Variants in AMOTL1 observed in about 807,000 individuals in gnomAD.
The protein encoded by AMOTL1 is angiomotin-like protein 1.
In AMOTL1, 45 loss-of-function variants were observed where a neutral mutation model predicts 102.9. The observed-to-expected ratio is 0.44, with a 90% CI of 0.34 to 0.56. The LOEUF (loss-of-function observed/expected upper bound fraction) is 0.56, where lower values mean the gene tolerates loss of function less well. Ranked by LOEUF, AMOTL1 falls within the 20% of genes least tolerant of loss-of-function variation. The pLI is 0.01. For synonymous variants in AMOTL1, 481 were observed against 484.7 expected (o/e 0.99, Z 0.10); for missense variants, 1,114 against 1,225.6 (o/e 0.91, Z 1.36).
chr11:94,863,321 G>C (rs190312536), intron 9 of AMOTL1, among the ~76,000 whole-genome samples: 1 of 151,720 alleles, frequency 6.6e-6, no homozygotes, highest in South Asian at 2.1e-4. Context: ...GGCGGGGCGC[G>C]GTGGCTCACG....
At chr11:94,805,125 A>C (rs1384989456) in intron 3 of AMOTL1, among the ~76,000 whole-genome samples, 1 of 152,246 alleles carries the variant, frequency 6.6e-6, no homozygotes, top group Non-Finnish European at 1.5e-5. Context: ...TGTACTTTGC[A>C]GTGGAGCCGC....
intron 1 of AMOTL1, among the ~76,000 whole-genome samples, chr11:94,719,212 A>G (rs777181450): frequency 6.6e-6 from 1 of 152,024 alleles, no homozygotes; most frequent in Non-Finnish European, 1.5e-5. Flanking sequence ...ATTCTGTGCT[A>G]CCAAATAATT....
intron 7 of AMOTL1, among the ~76,000 whole-genome samples, chr11:94,853,523 C>G (rs1332776046): frequency 6.6e-6 from 1 of 152,140 alleles, no homozygotes; most frequent in Non-Finnish European, 1.5e-5. Flanking sequence ...TGTATATGTA[C>G]CACATTGTCT....
chr11:94,792,578 G>C (rs1951303669), intron 1 of AMOTL1, among the ~76,000 whole-genome samples: 1 of 152,214 alleles, frequency 6.6e-6, no homozygotes, highest in East Asian at 1.9e-4. Flanking sequence ...ATGTCCATCT[G>C]CTGGGTCTGT....
At chr11:94,739,790 C>A (rs1377572005) in intron 2 of AMOTL1, among the ~76,000 whole-genome samples, 4 of 152,212 alleles carry the variant, frequency 2.6e-5, no homozygotes, top group Admixed American at 2.0e-4. Flanking sequence ...CCCCTTAATG[C>A]AGAGCAGTCA....
At chr11:94,852,685 T>G (rs1386772609) in intron 7 of AMOTL1, among the ~76,000 whole-genome samples, 2 of 152,238 alleles carry the variant, frequency 1.3e-5, no homozygotes, top group Admixed American at 6.5e-5. Context: ...TTAACCTTAA[T>G]TTCCATCTCC....
intron 1 of AMOTL1, among the ~76,000 whole-genome samples, chr11:94,727,450 C>T (rs1398077991): frequency 6.6e-6 from 1 of 152,148 alleles, no homozygotes; most frequent in Non-Finnish European, 1.5e-5. Context: ...CTACTTCTAG[C>T]CTCAATCAGC....
chr11:94,709,363 G>GAA (rs57875615), intron 1 of AMOTL1, among the ~76,000 whole-genome samples: 76 of 150,314 alleles, frequency 5.1e-4, no homozygotes, highest in Admixed American at 1.7e-3. Context: ...GCTCTCTGGA[G>GAA]AAAAAAAAAA....
chr11:94,780,162 T>C (rs1247567669), intron 1 of AMOTL1, among the ~76,000 whole-genome samples: 1 of 152,216 alleles, frequency 6.6e-6, no homozygotes, highest in Non-Finnish European at 1.5e-5. Flanking sequence ...TAATGCTCAG[T>C]ACAGAGGACA....
intron 1 of AMOTL1, among the ~76,000 whole-genome samples, chr11:94,781,720 A>G (rs1487956683): frequency 6.6e-6 from 1 of 152,134 alleles, no homozygotes; most frequent in East Asian, 1.9e-4. Flanking sequence ...CTGTAATCCT[A>G]GCTACTCAGG....
In AMOTL1 at chr11:94,739,623, C is replaced by A. The variant is rs902604422; in HGVS notation, c.86-1315C>A. On this transcript the variant is annotated intron_variant, in intron 2 of 4. Transcript: ENST00000299004. The stretch of plus-strand genomic sequence containing the variant: ...ATCACTTTGAGACAATAGAAGGCCC[C>A]CAGGAGGCTGCCCAGACTGTTGACC... Among the ~76,000 whole-genome samples the A allele has an allele frequency of 2.0e-5, 3 of 152,140 alleles. No individual in the cohort carries two copies. The East Asian group carries it at 5.8e-4, about 29-fold the overall frequency.
intron 9 of AMOTL1, among the ~76,000 whole-genome samples, chr11:94,861,831 G>A (rs1296069528): frequency 6.6e-6 from 1 of 152,032 alleles, no homozygotes; most frequent in African/African-American, 2.4e-5. Flanking sequence ...GTATGAATGG[G>A]ACTAGAAAGT....
intron 3 of AMOTL1, among the ~76,000 whole-genome samples, chr11:94,761,409 C>T (rs1479768154): frequency 6.6e-6 from 1 of 151,196 alleles, no homozygotes; most frequent in African/African-American, 2.4e-5. Context: ...GGCTGGTCTC[C>T]AACTCATGAC....
chr11:94,782,471 T>A (rs1386094281), intron 1 of AMOTL1, among the ~76,000 whole-genome samples: 1 of 152,212 alleles, frequency 6.6e-6, no homozygotes, highest in East Asian at 1.9e-4. Context: ...AAGATCTCTA[T>A]AATTCATTGA....
At chr11:94,850,042 T>A in intron 6 of AMOTL1, 72 bp from the exon 7 acceptor site, 1 of 1,460,750 alleles carries the variant, frequency 6.8e-7, no homozygotes, top group Non-Finnish European at 9.2e-7. Context: ...CCTTGCCAGA[T>A]GTCGACTGGC....
chr11:94,786,408 G>A (rs994497951), intron 1 of AMOTL1, among the ~76,000 whole-genome samples: 2 of 151,880 alleles, frequency 1.3e-5, no homozygotes, highest in African/African-American at 4.8e-5. Context: ...CCTCTGCCCC[G>A]GTGCCCAGAC....
chr11:94,837,373 G>C (rs185543173), intron 6 of AMOTL1, among the ~76,000 whole-genome samples: 6 of 152,308 alleles, frequency 3.9e-5, no homozygotes, highest in Non-Finnish European at 8.8e-5. Context: ...CATGTATTCT[G>C]CAACACTTCT....
chr11:94,836,757 C>T lies in AMOTL1; in HGVS notation c.1648+5216C>T, dbSNP rs560469175. On this transcript the variant is annotated intron_variant, in intron 6 of 12. Transcript: ENST00000433060. ...CTTTTTTTGCATTCTTTCTTCCTTC[C>T]TTCTTTTTTTTTTTTTTTAGAATAG... Among the ~76,000 whole-genome samples, 158 of 142,284 alleles carry T rather than the reference C, an allele frequency of 1.1e-3. 1 individual carries two copies. The highest frequency in any genetic ancestry group is 3.7e-3 in the African/African-American group (149 of 39,754). 93.3% of individuals were successfully genotyped at this position (142,284 alleles called of 152,430 possible).
chr11:94,842,470 T>A (rs1952325616), intron 6 of AMOTL1, among the ~76,000 whole-genome samples: 1 of 152,192 alleles, frequency 6.6e-6, no homozygotes, highest in South Asian at 2.1e-4. Flanking sequence ...CCTTGAAAAG[T>A]CATTAACAGT....
Sources: allele counts gnomAD v4.1 joint callset (sites outside exome capture counted in the v4.1 genomes callset), GRCh38; gene constraint gnomAD v4.1.1; transcripts MANE v1.5; gene names NCBI Gene and HGNC (gene_info 2026-07-23, HGNC 2026-07-21).